The following CACNA1G variants were observed in gnomAD, a reference collection of about 807,000 sequenced individuals.
The protein encoded by CACNA1G is voltage-dependent T-type calcium channel subunit alpha-1G.
CACNA1G carries 67 observed loss-of-function variants against 219.4 expected under a neutral mutation model. That is an observed-to-expected ratio of 0.31 (90% CI 0.25 to 0.37). The LOEUF (loss-of-function observed/expected upper bound fraction) is 0.37. Ranked by LOEUF, CACNA1G falls within the 10% of genes least tolerant of loss-of-function variation. The pLI, the probability that CACNA1G is intolerant of heterozygous loss-of-function variation, is 1.00. For synonymous variants in CACNA1G, 1,296 were observed against 1,345.3 expected (o/e 0.96, Z 0.80); for missense variants, 2,380 against 3,231.4 (o/e 0.74, Z 6.39).
intron 23 of CACNA1G, among the ~76,000 whole-genome samples, chr17:50,606,678 A>T (rs538045210): frequency 9.2e-5 from 14 of 152,152 alleles, no homozygotes; most frequent in Admixed American, 4.6e-4. Context: ...TACCTGGCGG[A>T]GGGCAGAGGG....
At position 50,596,634 on chromosome 17, in the gene CACNA1G, A is replaced by G; in HGVS notation, c.3052A>G (p.Lys1018Glu). The G allele has an allele frequency of 1.2e-6, 2 of 1,613,936 alleles. No homozygotes were observed. Among genetic ancestry groups the G allele is most frequent in the Non-Finnish European group, 1.7e-6 (2 of 1,179,858 alleles). The change falls in exon 15 of 38, where the codon AAG (lysine) becomes GAG (glutamate). Residue 1018 changes from lysine to glutamate, a missense_variant. Physicochemically the swap from Lys to Glu is moderately conservative, Grantham distance 56. This residue lies in a region of CACNA1G where 418 missense variants were observed against 434.3 expected (regional missense o/e 0.96). Coordinates refer to ENST00000359106, the MANE Select transcript of CACNA1G (RefSeq NM_018896.5). This position sits in a 1 kb window ranked among gnomAD's most constrained non-coding sequence, Gnocchi z 4.8. Reference protein sequence around the residue: ...PSLDGDGDRKKCLALVSLGEH... With the variant: ...PSLDGDGDRKECLALVSLGEH... Reference sequence around the variant, plus strand: ...CCTGGATGGTGATGGGGACAGGAAGAAGTGCTTGGCCTGTGAGTACCTATC... The same window carrying G: ...CCTGGATGGTGATGGGGACAGGAAGGAGTGCTTGGCCTGTGAGTACCTATC...
intron 13 of CACNA1G, among the ~76,000 whole-genome samples, chr17:50,593,734 G>A (rs527882345): frequency 2.1e-4 from 32 of 152,242 alleles, no homozygotes; most frequent in Non-Finnish European, 3.7e-4. Flanking sequence ...AGGATGCGGT[G>A]TCTTGGGCTG....
intron 22 of CACNA1G, among the ~76,000 whole-genome samples, chr17:50,604,952 G>A (rs78895250): frequency 1.4e-5 from 2 of 144,984 alleles, no homozygotes; most frequent in East Asian, 2.3e-4. Context: ...TCCCCTCCCC[G>A]CCCCTCGTTC....
chr17:50,568,183 C>T (rs1380566779), intron 1 of CACNA1G, among the ~76,000 whole-genome samples: 1 of 152,094 alleles, frequency 6.6e-6, no homozygotes, highest in East Asian at 1.9e-4. Flanking sequence ...ACACCTAGTG[C>T]CAGGGCGGTC....
At chr17:50,584,971 G>A (rs115509004) in intron 9 of CACNA1G, among the ~76,000 whole-genome samples, 1 of 152,260 alleles carries the variant, frequency 6.6e-6, no homozygotes, top group African/African-American at 2.4e-5. Context: ...AGCACTTCCA[G>A]AGCCGCAGAG....
Position 50,626,962 on chromosome 17 carries a change from G to A in CACNA1G, c.*211G>A, listed in dbSNP as rs759538809. The A allele has an allele frequency of 1.4e-6, 1 of 707,346 alleles. No homozygotes were observed. The highest frequency in any genetic ancestry group is 2.6e-6 in the Non-Finnish European group (1 of 392,152). The allele number at this position is 707,346 out of a possible 1,614,324, so 43.8% of individuals were successfully genotyped here. The stretch of plus-strand genomic sequence containing the variant: ...GCAACTCTGGCTCCAGGCAGAAGGA[G>A]AGGCCCGGTGCAGCTGAGGTTCCCG... On this transcript the variant is annotated 3_prime_UTR_variant, in exon 38 of 38. Transcript: ENST00000359106. The surrounding 1 kb of genome is among the most constrained non-coding windows in gnomAD (Gnocchi z 4.3).
At chr17:50,576,410 A>G (rs1456517709) in intron 8 of CACNA1G, 84 bp downstream of exon 8, 3 of 1,324,400 alleles carry the variant, frequency 2.3e-6, no homozygotes, top group East Asian at 5.0e-5. Flanking sequence ...GTCTGGAGTC[A>G]GAGGGACCAG....
At chr17:50,606,632 G>T (rs1215441242) in intron 23 of CACNA1G, among the ~76,000 whole-genome samples, 2 of 152,210 alleles carry the variant, frequency 1.3e-5, no homozygotes, top group East Asian at 3.9e-4. Context: ...TCTGGTTTTG[G>T]TTTCTGGATT....
At chr17:50,594,476 C>G (rs1456092734) in intron 13 of CACNA1G, among the ~76,000 whole-genome samples, 1 of 152,182 alleles carries the variant, frequency 6.6e-6, no homozygotes, top group African/African-American at 2.4e-5. Context: ...TACCCATTCC[C>G]CAAGCCCACT....
At chr17:50,565,003 G>A (rs1029142817) in intron 1 of CACNA1G, among the ~76,000 whole-genome samples, 1 of 151,900 alleles carries the variant, frequency 6.6e-6, no homozygotes, top group African/African-American at 2.4e-5. Flanking sequence ...AGCCATTCCT[G>A]GGATTACCCC....
chr17:50,618,447 C>T lies in CACNA1G; in HGVS notation c.5427+104C>T. 1.4e-6 allele frequency: 2 copies of T among 1,464,258 alleles called. No homozygotes were observed. The highest frequency in any genetic ancestry group is 1.9e-6 in the Non-Finnish European group (2 of 1,061,844). The allele number at this position is 1,464,258 out of a possible 1,614,324, so 90.7% of individuals were successfully genotyped here. ...GCCACAAATAAAAGCATGTGACCTT[C>T]TCTCCCCCGTGCTAGAACACTCTGG... On this transcript the variant is annotated intron_variant, in intron 32 of 37. Coordinates refer to ENST00000359106, the MANE Select transcript of CACNA1G (RefSeq NM_018896.5). This position sits in a 1 kb window ranked among gnomAD's most constrained non-coding sequence, Gnocchi z 5.3.
chr17:50,561,085 C>T lies in CACNA1G; in HGVS notation c.-375C>T. ...CCGGACCCCCGCCCTCCGCCGCTGC[C>T]CCCCTTTTCGTTCGCCCTCTCGGGG... On this transcript the variant is annotated 5_prime_UTR_variant, in exon 1 of 38. Transcript: ENST00000359106. 1 of 443,060 alleles carries T rather than the reference C, an allele frequency of 2.3e-6. No homozygotes were observed. Among genetic ancestry groups the T allele is most frequent in the Non-Finnish European group, 4.4e-6 (1 of 228,722 alleles). The allele number at this position is 443,060 out of a possible 1,614,324, so 27.4% of individuals were successfully genotyped here. A position where few individuals can be genotyped will look rare whatever the true frequency, so the allele number is the denominator to read the frequency against.
At position 50,599,411 on chromosome 17, in the gene CACNA1G, C is replaced by G. The variant is rs1398069088; in HGVS notation, c.3259-17C>G. ...CTGGGCCCTGCCTGAGACCACTCCT[C>G]CCCTGCTCACCCACAGCCCAGCGCC... On this transcript the variant is annotated splice_polypyrimidine_tract_variant and intron_variant, in intron 16 of 37. Coordinates refer to ENST00000359106, the MANE Select transcript of CACNA1G (RefSeq NM_018896.5). 3 of 1,524,762 alleles carry G rather than the reference C, an allele frequency of 2.0e-6. No homozygotes were observed. Among genetic ancestry groups the G allele is most frequent in the Non-Finnish European group, 2.6e-6 (3 of 1,136,264 alleles). The allele number at this position is 1,524,762 out of a possible 1,614,324, so 94.5% of individuals were successfully genotyped here.
chr17:50,594,578 A>T (rs1342256483), intron 13 of CACNA1G, among the ~76,000 whole-genome samples: 1 of 152,104 alleles, frequency 6.6e-6, no homozygotes, highest in East Asian at 1.9e-4. Flanking sequence ...GATTTGGGGC[A>T]GTTTCCGCAA....
intron 5 of CACNA1G, 138 bp from the exon 6 acceptor site, chr17:50,572,416 C>T (rs916979): frequency 1.4e-6 from 1 of 706,386 alleles, no homozygotes; most frequent in South Asian, 2.0e-5. Context: ...CCTGCCCTGC[C>T]CAGTCCCTTC....
At chr17:50,608,118 G>C (rs982648050) in intron 25 of CACNA1G, 99 bp downstream of exon 25, 47 of 1,107,692 alleles carry the variant, frequency 4.2e-5, no homozygotes, top group Non-Finnish European at 5.8e-5. Flanking sequence ...CGCTGGGGCC[G>C]GGGGCAGGGA....
chr17:50,590,450 A>T, intron 9 of CACNA1G, 21 bp from the exon 10 acceptor site: 1 of 1,612,966 alleles, frequency 6.2e-7, no homozygotes, highest in Non-Finnish European at 8.5e-7. Context: ...CAGCTGCCTC[A>T]CATCCCACCC....
chr17:50,592,757 G>A (rs190281031), intron 13 of CACNA1G, among the ~76,000 whole-genome samples: 1 of 152,116 alleles, frequency 6.6e-6, no homozygotes, highest in African/African-American at 2.4e-5. Context: ...CTTCCCACCC[G>A]AGCCCCCAGA....
rs117601101 is a variant in CACNA1G at position 50,616,496 on chromosome 17, G to T, written c.5021+112G>T. The T allele has an allele frequency of 0.015, 9,692 of 641,880 alleles. 104 individuals are homozygous for T. The highest frequency in any genetic ancestry group is 0.02 in the Non-Finnish European group (7,369 of 369,852). The allele number at this position is 641,880 out of a possible 1,614,324, so 39.8% of individuals were successfully genotyped here. On this transcript the variant is annotated intron_variant, in intron 28 of 37. Transcript: ENST00000359106. ...TCTAAGACTTTTCTTAATTCCTGAG[G>T]TTCAGCCCCCACCCTGTGGCTGACG...
Sources: gnomAD v4.1 joint callset for allele counts (sites outside exome capture counted in the v4.1 genomes callset) on GRCh38, gnomAD v4.1.1 for gene constraint, gnomAD v4.1.1 regional missense constraint, Gnocchi (gnomAD v3.1) non-coding constraint, MANE v1.5 for transcripts, NCBI Gene and HGNC (gene_info 2026-07-23, HGNC 2026-07-21) for gene names.